Variants in BSN observed in about 807,000 individuals in gnomAD.
BSN encodes the protein bassoon presynaptic cytomatrix protein, also known as protein bassoon.
In BSN, 57 loss-of-function variants were observed where a neutral mutation model predicts 264.8. That is an observed-to-expected ratio of 0.22 (90% CI 0.17 to 0.27). The LOEUF (loss-of-function observed/expected upper bound fraction) is 0.27. Among genes scored for constraint, BSN ranks in the 10% least tolerant of loss-of-function variants. The pLI, the probability that BSN is intolerant of heterozygous loss-of-function variation, is 1.00. For missense variants in BSN, 4,615 were observed against 5,232.5 expected (o/e 0.88, Z 3.64); for synonymous variants, 2,059 against 2,137.3 (o/e 0.96, Z 1.01).
chr3:49,663,346 T>G lies in BSN; in HGVS notation c.11188T>G (p.Ser3730Ala). ...DSKKGSRQAH[S>A]GPAALQSKAE... ...CAAGAAGGGCTCCCGGCAAGCCCACTCCGGGCCCGCTGCACTGCAGTCAAA... is the reference window on the plus strand; with the variant it reads ...CAAGAAGGGCTCCCGGCAAGCCCACGCCGGGCCCGCTGCACTGCAGTCAAA... The change falls in exon 7 of 12, where the codon TCC (serine) becomes GCC (alanine). Residue 3730 changes from serine to alanine, a missense_variant. Physicochemically the swap from Ser to Ala is moderately conservative, Grantham distance 99. Coordinates refer to ENST00000296452, the MANE Select transcript of BSN (RefSeq NM_003458.4). The G allele has an allele frequency of 6.2e-7, 1 of 1,613,638 alleles. No individual in the cohort carries two copies. Among genetic ancestry groups the G allele is most frequent in the Non-Finnish European group, 8.5e-7 (1 of 1,180,022 alleles).
At chr3:49,582,372 C>G (rs1233148719) in intron 1 of BSN, among the ~76,000 whole-genome samples, 1 of 152,166 alleles carries the variant, frequency 6.6e-6, no homozygotes, top group African/African-American at 2.4e-5. Context: ...TTTACATTTG[C>G]AGTCATAACA....
Position 49,652,279 on chromosome 3 carries a change from T to C in BSN, c.2723T>C (p.Leu908Pro), listed in dbSNP as rs1261522325. Residue 908 changes from leucine (L) to proline (P), a missense_variant, in exon 5 of 12, where the codon CTG becomes CCG. Transcript: ENST00000296452. The stretch of plus-strand genomic sequence containing the variant: ...AATGCCACCACGGGCTATGAGGAGC[T>C]GCTCCCTGAGGGAGGCTCAGCAGAG... ...PHNATTGYEE[L>P]LPEGGSAEAT... is the part of the protein sequence containing the mutation. 6.3e-7 allele frequency: 1 copy of C among 1,599,318 alleles called. No individual in the cohort carries two copies. The highest frequency in any genetic ancestry group is 8.5e-7 in the Non-Finnish European group (1 of 1,171,898).
chr3:49,613,967 C>T (rs2052234756), intron 1 of BSN, among the ~76,000 whole-genome samples: 1 of 151,842 alleles, frequency 6.6e-6, no homozygotes, highest in African/African-American at 2.4e-5. Flanking sequence ...GGAGTAGTAA[C>T]CTCACCACTA....
intron 1 of BSN, among the ~76,000 whole-genome samples, chr3:49,582,612 A>G (rs2051902754): frequency 1.3e-5 from 2 of 152,114 alleles, no homozygotes; most frequent in Non-Finnish European, 2.9e-5. Flanking sequence ...TTCTTTTCCA[A>G]TTTGGATGTC....
At chr3:49,612,858 C>T (rs2052219076) in intron 1 of BSN, among the ~76,000 whole-genome samples, 1 of 152,226 alleles carries the variant, frequency 6.6e-6, no homozygotes, top group African/African-American at 2.4e-5. Context: ...AGGGGCCAGG[C>T]ATGGTGGCTC....
rs1357293816 is a variant in BSN, at chr3:49,652,984, C to T, written c.3428C>T (p.Pro1143Leu). The T allele has an allele frequency of 2.5e-6, 4 of 1,613,284 alleles. No individual in the cohort carries two copies. The South Asian group carries it at 4.4e-5, about 18-fold the overall frequency. The part of the protein sequence containing the change: ...DSEAEALDGG[P>L]SRLYKSGSEY... ...GAGGCTGAGGCCTTGGATGGTGGCC[C>T]TAGCCGGCTTTACAAGTCAGGCAGT... Residue 1143 changes from proline (P) to leucine (L), a missense_variant, in exon 5 of 12, where the codon CCT becomes CTT. Around this residue, in one of 3 missense-constraint regions of BSN, gnomAD observed 3,415 missense variants for 3,866.4 expected, o/e 0.88. Coordinates refer to ENST00000296452, the MANE Select transcript of BSN (RefSeq NM_003458.4).
In BSN at chr3:49,653,011, A is replaced by C. The variant is rs149713392; in HGVS notation, c.3455A>C (p.Glu1152Ala). The change falls in exon 5 of 12, where the codon GAG becomes GCG. Residue 1152 changes from glutamate to alanine, a missense_variant. Glu to Ala is a moderately radical substitution (Grantham distance 107). Around this residue, in one of 3 missense-constraint regions of BSN, gnomAD observed 3,415 missense variants for 3,866.4 expected, o/e 0.88. Transcript: ENST00000296452. The surrounding 1 kb of genome is among the most constrained non-coding windows in gnomAD (Gnocchi z 6.3). ...GPSRLYKSGS[E>A]YNLPTFMSLY... ...AGCCGGCTTTACAAGTCAGGCAGTG[A>C]GTACAACCTGCCCACCTTCATGTCC... 7 of 1,613,452 alleles carry C rather than the reference A, an allele frequency of 4.3e-6. No homozygotes were observed. The African/African-American group carries it at 9.3e-5, about 22-fold the overall frequency.
At position 49,654,174 on chromosome 3, in the gene BSN, C is replaced by T; in HGVS notation, c.4618C>T (p.Pro1540Ser). Residue 1540 changes from proline to serine, a missense_variant, in exon 5 of 12, where the codon CCC (proline) becomes TCC (serine). By Grantham distance (74) the Pro-to-Ser change is moderately conservative. Transcript: ENST00000296452. This position sits in a 1 kb window ranked among gnomAD's most constrained non-coding sequence, Gnocchi z 4.1. ...CCAGGGTACACAAACACCACATCGA[C>T]CCAGCACGCCTCGCCTGGTGTGGCA... ...VAQGTQTPHR[P>S]STPRLVWQES... The T allele has an allele frequency of 1.2e-6, 2 of 1,614,054 alleles. 1 individual carries two copies. Among genetic ancestry groups the T allele is most frequent in the Non-Finnish European group, 1.7e-6 (2 of 1,180,028 alleles).
chr3:49,570,222 G>T (rs949861139), intron 1 of BSN, among the ~76,000 whole-genome samples: 3 of 152,164 alleles, frequency 2.0e-5, no homozygotes, highest in African/African-American at 7.2e-5. Flanking sequence ...ACCACCCATA[G>T]AGCAGAGTCA....
In BSN at chr3:49,662,016, C is replaced by T. The variant is rs753657434; in HGVS notation, c.10171C>T (p.Pro3391Ser). The T allele has an allele frequency of 1.2e-6, 2 of 1,613,888 alleles. No homozygotes were observed. Among genetic ancestry groups the T allele is most frequent in the South Asian group, 2.2e-5 (2 of 91,082 alleles). The change falls in exon 6 of 12, where the codon CCT becomes TCT. Residue 3391 changes from proline to serine, a missense_variant. By Grantham distance (74) the Pro-to-Ser change is moderately conservative. This residue lies in a region of BSN where 3,415 missense variants were observed against 3,866.4 expected (regional missense o/e 0.88). Transcript: ENST00000296452. ...VESDLASYPP[P>S]AVSSSLVSRG... Reference sequence around the variant, plus strand: ...GTCAGACCTGGCGTCCTACCCCCCACCTGCAGTCAGCAGCAGCCTGGTCTC... The same window carrying T: ...GTCAGACCTGGCGTCCTACCCCCCATCTGCAGTCAGCAGCAGCCTGGTCTC...
chr3:49,592,809 G>A (rs975472394), intron 1 of BSN, among the ~76,000 whole-genome samples: 3 of 150,712 alleles, frequency 2.0e-5, no homozygotes, highest in South Asian at 2.1e-4. Context: ...CCAATTTTTC[G>A]CAGTGGTAAT....
Position 49,655,442 on chromosome 3 carries a change from G to T in BSN, c.5886G>T (p.Gly1962=). Residue 1962 remains glycine, a synonymous_variant, in exon 5 of 12, where the codon GGG becomes GGT. Transcript: ENST00000296452. Reference sequence around the variant, plus strand: ...CCTACCGGGCACAGGGGGTGGTGGGGCCTGGGCCCCATGAGGAGCAGAGGC... The same window carrying T: ...CCTACCGGGCACAGGGGGTGGTGGGTCCTGGGCCCCATGAGGAGCAGAGGC... ...PPTYRAQGVV[G]PGPHEEQRPY... 2 of 1,572,986 alleles carry T rather than the reference G, an allele frequency of 1.3e-6. No homozygotes were observed. The highest frequency in any genetic ancestry group is 1.7e-6 in the Non-Finnish European group (2 of 1,158,690).
Position 49,656,271 on chromosome 3 carries a change from A to G in BSN, c.6715A>G (p.Thr2239Ala), listed in dbSNP as rs760774091. ...ASGGITAVPL[T>A]SLTRVPMIAP... ...TGGTGGAATCACAGCCGTGCCACTC[A>G]CCAGTCTGACACGTGTGCCCATGAT... The change falls in exon 5 of 12, where the codon ACC becomes GCC. Residue 2239 changes from threonine to alanine, a missense_variant. Physicochemically the swap from Thr to Ala is moderately conservative, Grantham distance 58. Around this residue, in one of 3 missense-constraint regions of BSN, gnomAD observed 3,415 missense variants for 3,866.4 expected, o/e 0.88. Transcript: ENST00000296452. The G allele has an allele frequency of 1.2e-6, 2 of 1,612,832 alleles. No individual in the cohort carries two copies. Among genetic ancestry groups the G allele is most frequent in the Non-Finnish European group, 1.7e-6 (2 of 1,179,726 alleles).
At chr3:49,623,862 A>G (rs894087058) in intron 1 of BSN, among the ~76,000 whole-genome samples, 7 of 152,216 alleles carry the variant, frequency 4.6e-5, no homozygotes, top group Non-Finnish European at 8.8e-5. Flanking sequence ...GTATCTCAAT[A>G]TAGTAACTTG....
intron 5 of BSN, among the ~76,000 whole-genome samples, chr3:49,658,641 G>T (rs577774924): frequency 6.6e-6 from 1 of 152,258 alleles, no homozygotes; most frequent in Non-Finnish European, 1.5e-5. Context: ...TCCTGGCCTG[G>T]TTTCCATTGC....
chr3:49,642,724 C>T lies in BSN; in HGVS notation c.1090C>T (p.Leu364Phe). ...GTCACTGCTAACCCAGGCGAGCACC[C>T]TCATGTCTGTGCAGCCCGAGGCTGA... ...GASLLTQAST[L>F]MSVQPEADTQ... The change falls in exon 3 of 12, where the codon CTC (leucine) becomes TTC (phenylalanine). Residue 364 changes from leucine (L) to phenylalanine (F), a missense_variant. By Grantham distance (22) the Leu-to-Phe change is conservative. Coordinates refer to ENST00000296452, the MANE Select transcript of BSN (RefSeq NM_003458.4). The surrounding 1 kb of genome is among the most constrained non-coding windows in gnomAD (Gnocchi z 7.0). 6.2e-7 allele frequency: 1 copy of T among 1,613,530 alleles called. No homozygotes were observed.
At chr3:49,664,363 T>A in intron 8 of BSN, 60 bp from the exon 9 acceptor site, 3 of 1,611,892 alleles carry the variant, frequency 1.9e-6, no homozygotes, top group Non-Finnish European at 1.7e-6. Flanking sequence ...GTACTTGCCC[T>A]CTTAGACCCT....
intron 2 of BSN, among the ~76,000 whole-genome samples, chr3:49,635,994 G>A (rs542511665): frequency 6.6e-6 from 1 of 151,070 alleles, no homozygotes; most frequent in Admixed American, 6.6e-5. Context: ...AAAGTACATC[G>A]CTGATATCAG....
At chr3:49,643,444 A>G (rs576527514) in intron 3 of BSN, among the ~76,000 whole-genome samples, 148 of 152,196 alleles carry the variant, frequency 9.7e-4, no homozygotes, top group Non-Finnish European at 1.9e-3. Flanking sequence ...TCCAGCTACC[A>G]TGGGCATGGC....
Sources: gnomAD v4.1 joint callset for allele counts (sites outside exome capture counted in the v4.1 genomes callset) on GRCh38, gnomAD v4.1.1 for gene constraint, gnomAD v4.1.1 regional missense constraint, Gnocchi (gnomAD v3.1) non-coding constraint, MANE v1.5 for transcripts, NCBI Gene and HGNC (gene_info 2026-07-23, HGNC 2026-07-21) for gene names.